The following COTL1 variants were observed in gnomAD, a reference collection of about 807,000 sequenced individuals.
The protein encoded by COTL1 is coactosin like F-actin binding protein 1.
Under a neutral mutation model 16.5 loss-of-function variants are expected in COTL1, and 15 were observed. The ratio of observed to expected loss-of-function variants is 0.91; its 90% confidence interval spans 0.61 to 1.40. The LOEUF is 1.40. Ranked by LOEUF, COTL1 falls within the 40% of genes most tolerant of loss-of-function variation. The probability of loss-of-function intolerance (pLI) is 0.00; values close to 1 mark genes in which losing one functional copy is unlikely to be tolerated. For missense variants in COTL1, 220 were observed against 201.5 expected, an observed-to-expected ratio of 1.09 and a Z score of -0.56; for synonymous variants, 112 against 85.3, an observed-to-expected ratio of 1.31 and a Z score of -1.73.
chr16:84,603,913 G>A (rs1412752550), intron 2 of COTL1, among the ~76,000 whole-genome samples: 3 of 151,366 alleles, frequency 2.0e-5, no homozygotes, highest in Non-Finnish European at 4.4e-5. Flanking sequence ...TGGCTCCCGG[G>A]GCCACTGCAC....
At chr16:84,615,177 A>G (rs1438590192) in intron 2 of COTL1, among the ~76,000 whole-genome samples, 1 of 152,182 alleles carries the variant, frequency 6.6e-6, no homozygotes, top group African/African-American at 2.4e-5. Context: ...GGCAACCATA[A>G]TTCTCCTATG....
chr16:84,593,933 C>T (rs1904935649), intron 2 of COTL1, among the ~76,000 whole-genome samples: 1 of 152,208 alleles, frequency 6.6e-6, no homozygotes, highest in Non-Finnish European at 1.5e-5. Flanking sequence ...CCATTCTCCA[C>T]CCCATTCCCC....
intron 3 of COTL1, among the ~76,000 whole-genome samples, chr16:84,577,388 G>A (rs1904477680): frequency 6.6e-6 from 1 of 152,312 alleles, no homozygotes; most frequent in South Asian, 2.1e-4. Flanking sequence ...GGGACTACAG[G>A]CATGCGCCAT....
chr16:84,591,650 A>C (rs893617227), intron 2 of COTL1, among the ~76,000 whole-genome samples: 27 of 76,870 alleles, frequency 3.5e-4, no homozygotes, highest in South Asian at 1.2e-3. Context: ...AAAAAAAAAA[A>C]AAAAAAAAAA....
chr16:84,603,341 C>T (rs1034269155), intron 2 of COTL1, among the ~76,000 whole-genome samples: 4 of 152,220 alleles, frequency 2.6e-5, no homozygotes, highest in Non-Finnish European at 5.9e-5. Context: ...ACTGAGGCAA[C>T]GAAGTGTGAC....
chr16:84,591,662 A>C (rs867256539), intron 2 of COTL1, among the ~76,000 whole-genome samples: 149 of 127,692 alleles, frequency 1.2e-3, no homozygotes, highest in African/African-American at 4.3e-3. Flanking sequence ...AAAAAAAAAA[A>C]AAACCAAAAA....
At chr16:84,580,941 G>C (rs1904574587) in intron 3 of COTL1, among the ~76,000 whole-genome samples, 1 of 152,186 alleles carries the variant, frequency 6.6e-6, no homozygotes, top group African/African-American at 2.4e-5. Context: ...GTCAGTCTGA[G>C]ACCAGCCTGG....
At chr16:84,579,746 G>A (rs921152044) in intron 3 of COTL1, among the ~76,000 whole-genome samples, 1 of 152,168 alleles carries the variant, frequency 6.6e-6, no homozygotes, top group Admixed American at 6.5e-5. Flanking sequence ...GGAATCTCAC[G>A]AGGCAAGATG....
chr16:84,595,024 ACCCTTTGCC>A (rs1410378771), intron 2 of COTL1: 4 of 151,396 alleles, frequency 2.6e-5, no homozygotes, highest in Non-Finnish European at 5.9e-5. Flanking sequence ...CTTGGGCAAC[ACCCTTTGCC>A]CCCGGAGGGT....
chr16:84,617,664 T>A, intron 1 of COTL1, 81 bp from the exon 2 acceptor site: 1 of 1,442,226 alleles, frequency 6.9e-7, no homozygotes, highest in East Asian at 2.5e-5. Context: ...GAGGACAATC[T>A]AACAGACGCG....
At chr16:84,612,963 G>A (rs1047045350) in intron 2 of COTL1, among the ~76,000 whole-genome samples, 58 of 151,860 alleles carry the variant, frequency 3.8e-4, no homozygotes, top group African/African-American at 1.3e-3. Context: ...GAAGCAGAGC[G>A]GAGATGTCAA....
Position 84,590,257 on chromosome 16 carries a change from C to T in COTL1, c.166G>A (p.Val56Ile), listed in dbSNP as rs776518628. The change falls in exon 3 of 4, where the codon GTC (valine) becomes ATC (isoleucine). Residue 56 changes from valine to isoleucine, a missense_variant. By Grantham distance (29) the Val-to-Ile change is conservative. Transcript: ENST00000262428. This position sits in a 1 kb window ranked among gnomAD's most constrained non-coding sequence, Gnocchi z 5.5. The part of the protein sequence containing the change: ...QHFIQQCTDD[V>I]RLFAFVRFTT... Reference sequence around the variant, plus strand: ...AAGCGCACGAAGGCAAACAACCGGACGTCATCTGTGGCCAAAAGCGAAAAG... The same window carrying T: ...AAGCGCACGAAGGCAAACAACCGGATGTCATCTGTGGCCAAAAGCGAAAAG... 24 of 1,613,628 alleles carry T rather than the reference C, an allele frequency of 1.5e-5. No individual in the cohort carries two copies. In the East Asian group the frequency reaches 1.6e-4, roughly 10 times the overall value.
Position 84,565,607 on chromosome 16 carries a change from AC to A in COTL1, c.*1237del, listed in dbSNP as rs1035559477. 1 of 152,454 alleles carries A rather than the reference AC, an allele frequency of 6.6e-6. No homozygotes were observed. Among genetic ancestry groups the A allele is most frequent in the Non-Finnish European group, 1.5e-5 (1 of 68,028 alleles). The allele number at this position is 152,454 out of a possible 1,614,324, so 9.4% of individuals were successfully genotyped here. On this transcript the variant is annotated 3_prime_UTR_variant, in exon 4 of 4. Coordinates refer to ENST00000262428, the MANE Select transcript of COTL1 (RefSeq NM_021149.5). Reference sequence around the variant, plus strand: ...CAGAAACCAAACTGTTTTCTGAAAAACAAAAAAAACATTTATTTCTGTAAAC... The same window carrying A: ...CAGAAACCAAACTGTTTTCTGAAAAAAAAAAAAACATTTATTTCTGTAAAC...
chr16:84,604,778 C>A (rs55949030), intron 2 of COTL1, among the ~76,000 whole-genome samples: 2,372 of 152,332 alleles, frequency 0.016, 30 homozygotes, highest in Non-Finnish European at 0.022. Context: ...CATCTCAAGC[C>A]AGGTTCTTTT....
intron 2 of COTL1, among the ~76,000 whole-genome samples, chr16:84,600,368 C>T (rs560387721): frequency 6.7e-6 from 1 of 148,960 alleles, no homozygotes; most frequent in Non-Finnish European, 1.5e-5. Context: ...CCTGCAGTGC[C>T]GTGGCACGAT....
intron 2 of COTL1, among the ~76,000 whole-genome samples, chr16:84,592,488 A>G (rs1439788407): frequency 1.3e-5 from 2 of 152,016 alleles, no homozygotes; most frequent in East Asian, 1.9e-4. Flanking sequence ...GTGGATTTGA[A>G]TCACTGGGGA....
At chr16:84,596,523 GT>G (rs1423680039) in intron 2 of COTL1, 2 of 152,258 alleles carry the variant, frequency 1.3e-5, no homozygotes, top group Non-Finnish European at 2.9e-5. Context: ...GCCCTCAGGG[GT>G]CCACAGGGGC....
intron 3 of COTL1, among the ~76,000 whole-genome samples, chr16:84,573,203 T>C (rs1348769510): frequency 2.6e-5 from 4 of 152,268 alleles, no homozygotes; most frequent in African/African-American, 9.6e-5. Flanking sequence ...GACGAGGTCC[T>C]TTACATTCAT....
In COTL1 at chr16:84,590,634, G is replaced by A. The variant is rs1218991072; in HGVS notation, c.161-372C>T. 6.6e-6 allele frequency among the ~76,000 whole-genome samples: 1 copy of A among 152,232 alleles called. No individual in the cohort carries two copies. Among genetic ancestry groups the A allele is most frequent in the Admixed American group, 6.5e-5 (1 of 15,290 alleles). ...TACAATCAAGGCTCAAAGTCTGGGT[G>A]GGCCCATTGCACAGATGTGGGTGCC... On this transcript the variant is annotated intron_variant, in intron 2 of 3. Coordinates refer to ENST00000262428, the MANE Select transcript of COTL1 (RefSeq NM_021149.5). This position sits in a 1 kb window ranked among gnomAD's most constrained non-coding sequence, Gnocchi z 5.5.
Sources: gnomAD v4.1 joint callset for allele counts (sites outside exome capture counted in the v4.1 genomes callset) on GRCh38, gnomAD v4.1.1 for gene constraint, Gnocchi (gnomAD v3.1) non-coding constraint, MANE v1.5 for transcripts, NCBI Gene and HGNC (gene_info 2026-07-23, HGNC 2026-07-21) for gene names.